The following NFIB variants were observed in gnomAD, a reference collection of about 807,000 sequenced individuals.
NFIB encodes nuclear factor I B.
In NFIB, 11 loss-of-function variants were observed where a neutral mutation model predicts 61.5. The observed-to-expected ratio is 0.18, with a 90% CI of 0.11 to 0.30. NFIB has a LOEUF of 0.30. Ranked by LOEUF, NFIB falls within the 10% of genes least tolerant of loss-of-function variation. The pLI is 1.00. For missense variants in NFIB, 471 were observed against 608.9 expected, an observed-to-expected ratio of 0.77 and a Z score of 2.38; for synonymous variants, 260 against 216.5, an observed-to-expected ratio of 1.20 and a Z score of -1.76.
At chr9:14,455,171 T>A in the NFIB span, among the ~76,000 whole-genome samples, 3 of 152,192 alleles carry the variant, frequency 2.0e-5, no homozygotes, top group Non-Finnish European at 4.4e-5. Context: ...AGATATGTAA[T>A]GGAGACACAC....
At chr9:14,466,889 G>C in the NFIB span, among the ~76,000 whole-genome samples, 1 of 152,166 alleles carries the variant, frequency 6.6e-6, no homozygotes, top group Non-Finnish European at 1.5e-5. Context: ...AAACCAGACA[G>C]GCTGACCTCT....
intron 2 of NFIB, among the ~76,000 whole-genome samples, chr9:14,248,637 G>C (rs1023175608): frequency 3.9e-5 from 6 of 152,128 alleles, no homozygotes; most frequent in Admixed American, 2.6e-4. Context: ...CACTTTCTGA[G>C]ATCATGTAGT....
intron 2 of NFIB, among the ~76,000 whole-genome samples, chr9:14,182,708 C>CTGTGTG (rs59897559): frequency 4.4e-4 from 43 of 96,994 alleles, no homozygotes; most frequent in African/African-American, 1.5e-3. Flanking sequence ...CTCTCTCTCT[C>CTGTGTG]TGTGTGTGTG....
chr9:14,409,148 C>A, the NFIB span, among the ~76,000 whole-genome samples: 2 of 152,076 alleles, frequency 1.3e-5, no homozygotes, highest in African/African-American at 4.8e-5. Flanking sequence ...GGATAAATAA[C>A]CTCGAGAACA....
At chr9:14,360,790 C>CGCCTGGGCCTCCCAAA (rs1344847863) in intron 1 of NFIB, among the ~76,000 whole-genome samples, 1 of 151,964 alleles carries the variant, frequency 6.6e-6, no homozygotes, top group East Asian at 1.9e-4. Flanking sequence ...GTCATCCGCC[C>CGCCTGGGCCTCCCAAA]GCCTGGGCCT....
chr9:14,262,706 G>A (rs546543178), intron 2 of NFIB, among the ~76,000 whole-genome samples: 55 of 152,274 alleles, frequency 3.6e-4, no homozygotes, highest in African/African-American at 1.3e-3. Flanking sequence ...ACTAGAGACA[G>A]AACCGACAGC....
chr9:14,087,295 TA>T lies in NFIB; in HGVS notation c.*1013del, dbSNP rs1375222613. On this transcript the variant is annotated 3_prime_UTR_variant, in exon 11 of 11. Transcript: ENST00000380953. ...GATTTGTCTTGATTTAATGCCTTTT[TA>T]ATGCCCTCAAAAACTGAGGGGAAAA... 1.5e-5 allele frequency: 3 copies of T among 204,772 alleles called. No homozygotes were observed. Among genetic ancestry groups the T allele is most frequent in the Non-Finnish European group, 2.0e-5 (2 of 99,906 alleles). 12.7% of individuals were successfully genotyped at this position (204,772 alleles called of 1,614,324 possible).
chr9:14,420,008 G>A, the NFIB span, among the ~76,000 whole-genome samples: 1 of 152,102 alleles, frequency 6.6e-6, no homozygotes, highest in Admixed American at 6.5e-5. Context: ...ATATCAGGTT[G>A]GGGACAGGAC....
intron 5 of NFIB, among the ~76,000 whole-genome samples, chr9:14,148,246 C>G (rs1042872995): frequency 6.6e-6 from 1 of 151,948 alleles, no homozygotes; most frequent in Admixed American, 6.6e-5. Flanking sequence ...CCACAGCCGC[C>G]CAAATAGTTA....
intron 2 of NFIB, among the ~76,000 whole-genome samples, chr9:14,218,374 C>CA (rs1436899943): frequency 2.0e-5 from 3 of 152,130 alleles, no homozygotes; most frequent in Admixed American, 6.5e-5. Context: ...TAAGTGTTTT[C>CA]CCTCAAGTAG....
chr9:14,318,892 T>G (rs1170555934), upstream of NFIB, among the ~76,000 whole-genome samples: 1 of 152,174 alleles, frequency 6.6e-6, no homozygotes, highest in Non-Finnish European at 1.5e-5. Context: ...ACCCAGCTCT[T>G]AAACTACTAC....
At chr9:14,365,623 G>A (rs2061290823) in intron 1 of NFIB, among the ~76,000 whole-genome samples, 1 of 152,328 alleles carries the variant, frequency 6.6e-6, no homozygotes, top group East Asian at 1.9e-4. Flanking sequence ...TTCAGAAATA[G>A]ATTCTTATAC....
At chr9:14,398,518 A>G in intron 1 of NFIB, 1 of 1,529,368 alleles carries the variant, frequency 6.5e-7, no homozygotes, top group Non-Finnish European at 8.8e-7. Flanking sequence ...TGAAATTTAG[A>G]CTCACAGAAA....
At chr9:14,439,783 G>C in the NFIB span, among the ~76,000 whole-genome samples, 80 of 152,160 alleles carry the variant, frequency 5.3e-4, 2 homozygotes, top group African/African-American at 1.9e-3. Context: ...ACATGATAGG[G>C]GCATGTGAGG....
At chr9:14,162,321 C>T (rs965915000) in intron 3 of NFIB, among the ~76,000 whole-genome samples, 2 of 151,852 alleles carry the variant, frequency 1.3e-5, no homozygotes, top group Admixed American at 6.6e-5. Context: ...AGTTTTCTGA[C>T]GAGAATGGCT....
At chr9:14,450,491 AATAG>A in the NFIB span, among the ~76,000 whole-genome samples, 1 of 152,190 alleles carries the variant, frequency 6.6e-6, no homozygotes, top group Non-Finnish European at 1.5e-5. Context: ...TTCTTAGAAT[AATAG>A]ATAATTTCAA....
At chr9:14,402,606 G>A (rs2133056371), upstream of NFIB, among the ~76,000 whole-genome samples, 1 of 152,018 alleles carries the variant, frequency 6.6e-6, no homozygotes, top group South Asian at 2.1e-4. Context: ...AAATTATTGG[G>A]TACTACCATC....
At chr9:14,520,151 G>T in the NFIB span, among the ~76,000 whole-genome samples, 1 of 151,880 alleles carries the variant, frequency 6.6e-6, no homozygotes, top group African/African-American at 2.4e-5. Context: ...AAAAATTTCA[G>T]GGAAAAAAAT....
At chr9:14,463,381 T>C in the NFIB span, among the ~76,000 whole-genome samples, 1 of 151,824 alleles carries the variant, frequency 6.6e-6, no homozygotes, top group African/African-American at 2.4e-5. Flanking sequence ...TGTCAGTTCT[T>C]TATAAATTAA....
Sources: gnomAD v4.1 joint callset for allele counts (sites outside exome capture counted in the v4.1 genomes callset) on GRCh38, gnomAD v4.1.1 for gene constraint, MANE v1.5 for transcripts, NCBI Gene and HGNC (gene_info 2026-07-23, HGNC 2026-07-21) for gene names.